HDAC7: variants seen among roughly 807,000 people sequenced by gnomAD.
The protein encoded by HDAC7 is histone deacetylase 7.
A neutral mutation model predicts 115.5 loss-of-function variants in HDAC7; 26 were observed. The observed-to-expected ratio is 0.23, with a 90% CI of 0.16 to 0.31. The LOEUF is 0.31. Among genes scored for constraint, HDAC7 ranks in the 10% least tolerant of loss-of-function variants. The pLI is 1.00. For missense variants in HDAC7, 1,068 were observed against 1,329.0 expected, an observed-to-expected ratio of 0.80 and a Z score of 3.05; for synonymous variants, 564 against 550.9, an observed-to-expected ratio of 1.02 and a Z score of -0.33.
At chr12:47,814,125 C>G (rs1277994761) in intron 1 of HDAC7, among the ~76,000 whole-genome samples, 2 of 152,200 alleles carry the variant, frequency 1.3e-5, no homozygotes, top group African/African-American at 4.8e-5. Context: ...CAGAGTCTCC[C>G]CCAGTTTGGG....
rs150532318 is a variant in HDAC7 at position 47,791,989 on chromosome 12, G to C, written c.1694C>G (p.Ser565Trp). 6.2e-7 allele frequency: 1 copy of C among 1,609,968 alleles called. No homozygotes were observed. The highest frequency in any genetic ancestry group is 8.5e-7 in the Non-Finnish European group (1 of 1,177,888). Residue 565 changes from serine (S) to tryptophan (W), a missense_variant, in exon 14 of 26, where the codon TCG becomes TGG. Physicochemically the swap from Ser to Trp is radical, Grantham distance 177. Around this residue, in one of 6 missense-constraint regions of HDAC7, gnomAD observed 618 missense variants for 701.5 expected, o/e 0.88. Transcript: ENST00000080059. ...LPFTTGLIYDSVMLKHQCSCG... is the reference protein window; with the variant it reads ...LPFTTGLIYDWVMLKHQCSCG... ...GGAGCACTGGTGCTTCAGCATGACC[G>C]AGTCATAGATCAGCCCTGCAGGAGC... is the stretch of plus-strand genomic sequence containing the variant.
At chr12:47,812,070 T>C (rs1434577916) in intron 1 of HDAC7, among the ~76,000 whole-genome samples, 1 of 152,186 alleles carries the variant, frequency 6.6e-6, no homozygotes, top group Non-Finnish European at 1.5e-5. Context: ...GCTGGCAAGG[T>C]ACTCCACATC....
At position 47,789,796 on chromosome 12, in the gene HDAC7, C is replaced by G. The variant is rs1199613765; in HGVS notation, c.2091+17G>C. 2.5e-6 allele frequency: 4 copies of G among 1,599,536 alleles called. No homozygotes were observed. Among genetic ancestry groups the G allele is most frequent in the Non-Finnish European group, 3.4e-6 (4 of 1,167,736 alleles). On this transcript the variant is annotated intron_variant, in intron 17 of 25. Coordinates refer to ENST00000080059, the MANE Select transcript of HDAC7 (RefSeq NM_015401.5). ...TCCTCCTTTGTGGTGTGTCCACCTTCAACCCAAACCTCCTACCTTTAGCTC... is the reference window on the plus strand; with the variant it reads ...TCCTCCTTTGTGGTGTGTCCACCTTGAACCCAAACCTCCTACCTTTAGCTC...
In HDAC7 at chr12:47,798,358, AC is replaced by A. The variant is rs1054653071; in HGVS notation, c.350-140del. On this transcript the variant is annotated intron_variant, in intron 4 of 25. Transcript: ENST00000080059. The surrounding 1 kb of genome is among the most constrained non-coding windows in gnomAD (Gnocchi z 4.3). ...AGGCAAGAGCCAAGCCCGAGGCCCT[AC>A]CCCTCCCTAGAGCCTCCAGACACCA... 2.9e-5 allele frequency: 23 copies of A among 797,734 alleles called. No individual in the cohort carries two copies. In the African/African-American group the frequency reaches 3.7e-4, roughly 13 times the overall value. The allele number at this position is 797,734 out of a possible 1,614,324, so 49.4% of individuals were successfully genotyped here.
At position 47,786,614 on chromosome 12, in the gene HDAC7, G is replaced by A; in HGVS notation, c.2543C>T (p.Pro848Leu). 1 of 1,613,344 alleles carries A rather than the reference G, an allele frequency of 6.2e-7. No homozygotes were observed. The highest frequency in any genetic ancestry group is 8.5e-7 in the Non-Finnish European group (1 of 1,179,362). Residue 848 changes from proline to leucine, a missense_variant, in exon 22 of 26, where the codon CCA becomes CTA. Transcript: ENST00000080059. Reference protein sequence around the residue: ...GFDAAEGHPAPLGGYHVSAKC... With the variant: ...GFDAAEGHPALLGGYHVSAKC... ...GGCAGAAACATGGTAGCCACCCAGT[G>A]GGGCCGGGTGACCCTCAGCAGCATC... is the stretch of plus-strand genomic sequence containing the variant.
Position 47,797,038 on chromosome 12 carries a change from G to A in HDAC7, c.682C>T (p.Arg228Trp), listed in dbSNP as rs142272339. 5.9e-5 allele frequency: 93 copies of A among 1,578,110 alleles called. No individual in the cohort carries two copies. The African/African-American group carries it at 8.2e-4, about 14-fold the overall frequency. ...KESAPPSLRR[R>W]PAETLGDSSP... ...TCACCTCCGAGGGTCTCTGCGGGCCGCCGCCGGAGGCTGGGGGGCGCACTC... is the reference window on the plus strand; with the variant it reads ...TCACCTCCGAGGGTCTCTGCGGGCCACCGCCGGAGGCTGGGGGGCGCACTC... Residue 228 changes from arginine to tryptophan, a missense_variant, in exon 7 of 26, where the codon CGG (arginine) becomes TGG (tryptophan). By Grantham distance (101) the Arg-to-Trp change is moderately radical. Around this residue, in one of 6 missense-constraint regions of HDAC7, gnomAD observed 618 missense variants for 701.5 expected, o/e 0.88. Coordinates refer to ENST00000080059, the MANE Select transcript of HDAC7 (RefSeq NM_015401.5). This position sits in a 1 kb window ranked among gnomAD's most constrained non-coding sequence, Gnocchi z 5.5.
intron 19 of HDAC7, 131 bp from the exon 20 acceptor site, chr12:47,788,295 A>T (rs909648868): frequency 1.7e-6 from 2 of 1,205,498 alleles, no homozygotes; most frequent in African/African-American, 3.1e-5. Context: ...TGGGGTTCCT[A>T]AAGCCACACG....
At chr12:47,805,968 C>A (rs1020545334) in intron 1 of HDAC7, among the ~76,000 whole-genome samples, 6 of 152,244 alleles carry the variant, frequency 3.9e-5, no homozygotes, top group African/African-American at 1.4e-4. Context: ...CATATTTGAA[C>A]AAGTACAATA....
Position 47,798,101 on chromosome 12 carries a change from G to T in HDAC7, c.461+7C>A, listed in dbSNP as rs1943964240. The T allele has an allele frequency of 2.5e-6, 4 of 1,602,144 alleles. No individual in the cohort carries two copies. Among genetic ancestry groups the T allele is most frequent in the African/African-American group, 2.7e-5 (2 of 74,640 alleles). On this transcript the variant is annotated splice_region_variant and intron_variant, in intron 5 of 25. Transcript: ENST00000080059. This position sits in a 1 kb window ranked among gnomAD's most constrained non-coding sequence, Gnocchi z 4.3. ...GGGGACAGGAGGGCAGGTGAGGAGGGTGTTACCTGTAGGGAATGCCGGGGC... is the reference window on the plus strand; with the variant it reads ...GGGGACAGGAGGGCAGGTGAGGAGGTTGTTACCTGTAGGGAATGCCGGGGC...
At chr12:47,785,909 G>A in intron 22 of HDAC7, 24 bp from the exon 23 acceptor site, 2 of 1,563,282 alleles carry the variant, frequency 1.3e-6, no homozygotes, top group Non-Finnish European at 1.7e-6. Context: ...GGGGAGAAAT[G>A]GGAGGGGCGG....
At chr12:47,799,851 G>A (rs139150539) in intron 2 of HDAC7, among the ~76,000 whole-genome samples, 19 of 152,328 alleles carry the variant, frequency 1.2e-4, no homozygotes, top group African/African-American at 4.3e-4. Flanking sequence ...ACTGGGAGAC[G>A]GAGCTGTTGC....
At position 47,797,562 on chromosome 12, in the gene HDAC7, GCAC is replaced by G; in HGVS notation, c.462-66_462-64del. ...GGACACTGCACGGGCACTGCCCTGA[GCAC>G]GGGCCCTGGGACCTGAGGGGGAGGC... On this transcript the variant is annotated intron_variant, in intron 5 of 25. Transcript: ENST00000080059. This position sits in a 1 kb window ranked among gnomAD's most constrained non-coding sequence, Gnocchi z 5.5. The G allele has an allele frequency of 5.5e-6, 7 of 1,272,880 alleles. No individual in the cohort carries two copies. Among genetic ancestry groups the G allele is most frequent in the Admixed American group, 2.1e-5 (1 of 48,168 alleles). 78.8% of individuals were successfully genotyped at this position (1,272,880 alleles called of 1,614,324 possible).
In HDAC7 at chr12:47,788,980, T is replaced by C. The variant is rs573728188; in HGVS notation, c.2235+281A>G. 1.3e-4 allele frequency: 55 copies of C among 429,822 alleles called. 2 individuals are homozygous for C. In the South Asian group the frequency reaches 2.0e-3, roughly 16 times the overall value. The allele number at this position is 429,822 out of a possible 1,614,324, so 26.6% of individuals were successfully genotyped here. A position where few individuals can be genotyped will look rare whatever the true frequency, so the allele number is the denominator to read the frequency against. On this transcript the variant is annotated intron_variant, in intron 19 of 25. Transcript: ENST00000080059. ...TACAGGAAATGCAGAAATTACTAGATCTGCCAAAAGAAGCCAATAGAGGTC... is the reference window on the plus strand; with the variant it reads ...TACAGGAAATGCAGAAATTACTAGACCTGCCAAAAGAAGCCAATAGAGGTC...
intron 1 of HDAC7, chr12:47,813,480 G>C (rs1219502478): frequency 6.6e-6 from 1 of 152,376 alleles, no homozygotes; most frequent in Non-Finnish European, 1.5e-5. Context: ...TAGGCTCCTT[G>C]GAATGGGTCC....
chr12:47,795,500 T>C lies in HDAC7; in HGVS notation c.1087+87A>G, dbSNP rs1943766449. The C allele has an allele frequency of 7.0e-7, 1 of 1,432,998 alleles. No individual in the cohort carries two copies. The highest frequency in any genetic ancestry group is 9.5e-7 in the Non-Finnish European group (1 of 1,047,944). 88.8% of individuals were successfully genotyped at this position (1,432,998 alleles called of 1,614,324 possible). ...AATGCGCAGGACAGGGGGACAGAGA[T>C]GGGGAGGAAGGATGGGTCCATCCCA... On this transcript the variant is annotated intron_variant, in intron 10 of 25. Coordinates refer to ENST00000080059, the MANE Select transcript of HDAC7 (RefSeq NM_015401.5). This position sits in a 1 kb window ranked among gnomAD's most constrained non-coding sequence, Gnocchi z 4.3.
rs1409046163 is a variant in HDAC7, at chr12:47,783,508, A to G, written c.*333T>C. ...GAGCCAGGAATAGTGGTTAAGGGTG[A>G]GCCCGACGGAGCCGGAGCCAGTCCT... On this transcript the variant is annotated 3_prime_UTR_variant, in exon 26 of 26. Transcript: ENST00000080059. 8.5e-6 allele frequency: 3 copies of G among 354,542 alleles called. No homozygotes were observed. Among genetic ancestry groups the G allele is most frequent in the African/African-American group, 2.1e-5 (1 of 48,168 alleles). The allele number at this position is 354,542 out of a possible 1,614,324, so 22.0% of individuals were successfully genotyped here.
intron 1 of HDAC7, among the ~76,000 whole-genome samples, chr12:47,808,700 C>T (rs1190298204): frequency 6.6e-6 from 1 of 152,200 alleles, no homozygotes; most frequent in Non-Finnish European, 1.5e-5. Context: ...TAGCTACTTC[C>T]TGCGGTGGCA....
chr12:47,791,205 GA>G, intron 16 of HDAC7, 53 bp downstream of exon 16: 1 of 1,484,172 alleles, frequency 6.7e-7, no homozygotes, highest in Non-Finnish European at 9.3e-7. Context: ...GAACCACAGG[GA>G]GGAGAGCTGA....
At chr12:47,808,763 C>T (rs1418709959) in intron 1 of HDAC7, among the ~76,000 whole-genome samples, 2 of 152,196 alleles carry the variant, frequency 1.3e-5, no homozygotes, top group South Asian at 2.1e-4. Flanking sequence ...CAGCTTATAG[C>T]CTGGCCTGCC....
Sources: gnomAD v4.1 joint callset for allele counts (sites outside exome capture counted in the v4.1 genomes callset) on GRCh38, gnomAD v4.1.1 for gene constraint, gnomAD v4.1.1 regional missense constraint, Gnocchi (gnomAD v3.1) non-coding constraint, MANE v1.5 for transcripts, NCBI Gene and HGNC (gene_info 2026-07-23, HGNC 2026-07-21) for gene names.